Variants in RAPGEF2 observed in about 807,000 individuals in gnomAD.
RAPGEF2 encodes PDZ domain containing guanine nucleotide exchange factor (GEF) 1.
A neutral mutation model predicts 186.7 loss-of-function variants in RAPGEF2; 54 were observed. That is an observed-to-expected ratio of 0.29 (90% CI 0.23 to 0.36). The LOEUF is 0.36. Among genes scored for constraint, RAPGEF2 ranks in the 10% least tolerant of loss-of-function variants. The pLI is 1.00. For missense variants in RAPGEF2, 1,532 were observed against 2,045.0 expected, an observed-to-expected ratio of 0.75 and a Z score of 4.84; for synonymous variants, 712 against 705.9, an observed-to-expected ratio of 1.01 and a Z score of -0.14.
chr4:159,187,577 GAGAA>G (rs1172152152), intron 2 of RAPGEF2, among the ~76,000 whole-genome samples: 1 of 152,074 alleles, frequency 6.6e-6, no homozygotes, highest in African/African-American at 2.4e-5. Context: ...ACCTTTTTCA[GAGAA>G]ACACAGTTTA....
chr4:159,170,814 T>C (rs1439313556), intron 1 of RAPGEF2, among the ~76,000 whole-genome samples: 4 of 152,182 alleles, frequency 2.6e-5, no homozygotes, highest in Non-Finnish European at 5.9e-5. Context: ...AGATGTTTTC[T>C]ACTATTAGTT....
intron 7 of RAPGEF2, among the ~76,000 whole-genome samples, chr4:159,274,612 C>A (rs1383077683): frequency 2.0e-5 from 3 of 152,084 alleles, no homozygotes; most frequent in Middle Eastern, 3.2e-3. Flanking sequence ...CCTACTTTTT[C>A]TTCATCCTTA....
intron 5 of RAPGEF2, among the ~76,000 whole-genome samples, chr4:159,239,961 C>T (rs984508017): frequency 2.0e-5 from 3 of 152,048 alleles, no homozygotes; most frequent in South Asian, 2.1e-4. Context: ...TCAAAGCTAG[C>T]GAACTTTTTG....
chr4:159,335,268 A>G (rs2111226351), intron 17 of RAPGEF2, among the ~76,000 whole-genome samples: 1 of 152,304 alleles, frequency 6.6e-6, no homozygotes, highest in East Asian at 1.9e-4. Context: ...TTGCCAAGTA[A>G]GTAGAAAAAG....
chr4:159,353,637 A>T lies in RAPGEF2; in HGVS notation c.4242A>T (p.Ser1414=). The T allele has an allele frequency of 6.3e-7, 1 of 1,595,380 alleles. No individual in the cohort carries two copies. The highest frequency in any genetic ancestry group is 8.5e-7 in the Non-Finnish European group (1 of 1,172,260). ...GCCGTGGGAGCTGGACGTCATGCTC[A>T]AGTGGCTCCCATGATAATATACAGA... ...DSGRGSWTSC[S]SGSHDNIQTI... Residue 1414 remains serine (S), a synonymous_variant, in exon 28 of 30, where the codon TCA becomes TCT. Transcript: ENST00000691494. This position sits in a 1 kb window ranked among gnomAD's most constrained non-coding sequence, Gnocchi z 4.3.
intron 4 of RAPGEF2, among the ~76,000 whole-genome samples, chr4:159,215,354 T>C (rs192714951): frequency 6.6e-6 from 1 of 151,510 alleles, no homozygotes; most frequent in Non-Finnish European, 1.5e-5. Context: ...AAAAATATTT[T>C]GGGGGAAAGA....
At chr4:159,262,771 C>T (rs1270680835) in intron 7 of RAPGEF2, among the ~76,000 whole-genome samples, 1 of 152,034 alleles carries the variant, frequency 6.6e-6, no homozygotes, top group African/African-American at 2.4e-5. Flanking sequence ...AGATAGTTGC[C>T]ACATAATTTT....
intron 4 of RAPGEF2, among the ~76,000 whole-genome samples, chr4:159,223,259 T>G (rs1010034099): frequency 6.6e-6 from 1 of 152,146 alleles, no homozygotes. Flanking sequence ...AAAATAGAAT[T>G]TCTGCTATCT....
chr4:159,276,044 T>A (rs1758821345), intron 7 of RAPGEF2, among the ~76,000 whole-genome samples: 1 of 152,200 alleles, frequency 6.6e-6, no homozygotes, highest in Non-Finnish European at 1.5e-5. Flanking sequence ...GTAATTTTAA[T>A]ACTTAAACCT....
chr4:159,295,010 A>T (rs989694936), intron 7 of RAPGEF2, among the ~76,000 whole-genome samples: 4 of 152,312 alleles, frequency 2.6e-5, no homozygotes, highest in African/African-American at 9.6e-5. Flanking sequence ...TCATTTCTTC[A>T]GCAATGAAGT....
rs561723538 is a variant in RAPGEF2, at chr4:159,341,558, T to C, written c.2535-6T>C. On this transcript the variant is annotated splice_polypyrimidine_tract_variant and splice_region_variant and intron_variant, in intron 19 of 29. Coordinates refer to ENST00000691494, the MANE Select transcript of RAPGEF2 (RefSeq NM_001394067.2). ...TTTGACTCTGATATGTTTCTGTTTTTCATAGGTATTATCTGAAAAACAACA... is the reference window on the plus strand; with the variant it reads ...TTTGACTCTGATATGTTTCTGTTTTCCATAGGTATTATCTGAAAAACAACA... The C allele has an allele frequency of 2.5e-5, 40 of 1,569,878 alleles. No homozygotes were observed. The South Asian group carries it at 4.6e-4, about 18-fold the overall frequency.
intron 4 of RAPGEF2, among the ~76,000 whole-genome samples, chr4:159,222,459 C>G (rs1218405873): frequency 6.6e-6 from 1 of 152,124 alleles, no homozygotes; most frequent in African/African-American, 2.4e-5. Context: ...TCCCAGAAGT[C>G]CTGGTTGCAG....
At chr4:159,162,444 A>G (rs1744813996) in intron 1 of RAPGEF2, among the ~76,000 whole-genome samples, 1 of 151,772 alleles carries the variant, frequency 6.6e-6, no homozygotes, top group Non-Finnish European at 1.5e-5. Flanking sequence ...AAAATTAATT[A>G]TTATAATTGT....
chr4:159,242,168 T>C (rs938127223), intron 6 of RAPGEF2, among the ~76,000 whole-genome samples: 44 of 152,042 alleles, frequency 2.9e-4, no homozygotes, highest in African/African-American at 9.6e-4. Flanking sequence ...TATTCCTTTG[T>C]TTTTTCAAGA....
chr4:159,138,029 TC>T (rs1009027246), intron 1 of RAPGEF2, among the ~76,000 whole-genome samples: 3 of 152,234 alleles, frequency 2.0e-5, no homozygotes, highest in Admixed American at 1.3e-4. Context: ...TAATTGACTT[TC>T]GCACAGACTG....
At chr4:159,350,328 C>T (rs1432605075) in intron 26 of RAPGEF2, 39 bp downstream of exon 26, 1 of 1,451,762 alleles carries the variant, frequency 6.9e-7, no homozygotes, top group African/African-American at 1.4e-5. Flanking sequence ...GTATTGAAAC[C>T]TATACATTTT....
chr4:159,327,875 T>A (rs1027381440), intron 11 of RAPGEF2: 6 of 152,052 alleles, frequency 3.9e-5, no homozygotes, highest in African/African-American at 1.2e-4. Context: ...TTTTTTTCCT[T>A]TTTGGATGGT....
chr4:159,246,776 T>G (rs1374690872), intron 7 of RAPGEF2, among the ~76,000 whole-genome samples: 2 of 152,174 alleles, frequency 1.3e-5, no homozygotes, highest in Non-Finnish European at 2.9e-5. Flanking sequence ...TATTATTTAT[T>G]CAGTTTTTTA....
At chr4:159,253,649 T>A (rs1399473767) in intron 7 of RAPGEF2, among the ~76,000 whole-genome samples, 1 of 152,186 alleles carries the variant, frequency 6.6e-6, no homozygotes, top group South Asian at 2.1e-4. Flanking sequence ...AGTTTTTTTT[T>A]TTATTATTTG....
Sources: gnomAD v4.1 joint callset for allele counts (sites outside exome capture counted in the v4.1 genomes callset) on GRCh38, gnomAD v4.1.1 for gene constraint, Gnocchi (gnomAD v3.1) non-coding constraint, MANE v1.5 for transcripts, NCBI Gene and HGNC (gene_info 2026-07-23, HGNC 2026-07-21) for gene names.